FBXW7: variants seen among roughly 807,000 people sequenced by gnomAD.
FBXW7 encodes F-box/WD repeat-containing protein 7.
In FBXW7, 11 loss-of-function variants were observed where a neutral mutation model predicts 86.3. The ratio of observed to expected loss-of-function variants is 0.13; its 90% CI spans 0.08 to 0.21. The LOEUF (loss-of-function observed/expected upper bound fraction) is 0.21, where lower values mean the gene tolerates loss of function less well. Among genes scored for constraint, FBXW7 ranks in the 10% least tolerant of loss-of-function variants. FBXW7 has a pLI of 1.00. For synonymous variants in FBXW7, 313 were observed against 297.9 expected (o/e 1.05, Z -0.52); for missense variants, 488 against 847.4 (o/e 0.58, Z 5.27).
chr4:152,354,807 T>C (rs1457422900), intron 4 of FBXW7, among the ~76,000 whole-genome samples: 5 of 152,164 alleles, frequency 3.3e-5, no homozygotes, highest in Non-Finnish European at 5.9e-5. Flanking sequence ...CCATGTTTTA[T>C]TACCAGGTTT....
chr4:152,437,061 T>C (rs1740447268), intron 2 of FBXW7, among the ~76,000 whole-genome samples: 1 of 152,198 alleles, frequency 6.6e-6, no homozygotes, highest in Non-Finnish European at 1.5e-5. Context: ...CTGTTTTATA[T>C]ATATACATAG....
At chr4:152,378,890 C>T (rs1317125506) in intron 4 of FBXW7, among the ~76,000 whole-genome samples, 1 of 152,080 alleles carries the variant, frequency 6.6e-6, no homozygotes, top group Non-Finnish European at 1.5e-5. Flanking sequence ...CCTGTAGTCC[C>T]AGCTACTTGG....
At chr4:152,533,521 A>G (rs867594274) in intron 2 of FBXW7, among the ~76,000 whole-genome samples, 2 of 152,258 alleles carry the variant, frequency 1.3e-5, no homozygotes, top group African/African-American at 2.4e-5. Context: ...CAAGGCAACT[A>G]AAGAAAAACA....
chr4:152,324,028 GACTAGTTCTGTAAGTCA>G, intron 13 of FBXW7, 139 bp downstream of exon 13: 1 of 611,212 alleles, frequency 1.6e-6, no homozygotes, highest in South Asian at 2.0e-5. Context: ...CTCAAGAGTA[GACTAGTTCTGTAAGTCA>G]GGGTGAAAAT....
intron 6 of FBXW7, among the ~76,000 whole-genome samples, chr4:152,338,851 T>G (rs1730425707): frequency 6.6e-6 from 1 of 152,152 alleles, no homozygotes; most frequent in African/African-American, 2.4e-5. Context: ...TAAGTACCAT[T>G]TTAAGAATTA....
At chr4:152,469,500 T>C (rs1012938991) in intron 2 of FBXW7, among the ~76,000 whole-genome samples, 20 of 152,112 alleles carry the variant, frequency 1.3e-4, no homozygotes, top group South Asian at 2.1e-4. Flanking sequence ...AGGAAATGCA[T>C]AGACCCTGAC....
chr4:152,452,364 G>T (rs1326587036), intron 2 of FBXW7, among the ~76,000 whole-genome samples: 1 of 152,140 alleles, frequency 6.6e-6, no homozygotes, highest in Non-Finnish European at 1.5e-5. Context: ...TTAAAATACA[G>T]CGTTGGTCAT....
chr4:152,444,858 G>T (rs750452060), intron 2 of FBXW7, among the ~76,000 whole-genome samples: 35 of 152,086 alleles, frequency 2.3e-4, no homozygotes, highest in Non-Finnish European at 3.5e-4. Flanking sequence ...TTGAGACAGG[G>T]TCTCACTCTG....
intron 4 of FBXW7, among the ~76,000 whole-genome samples, chr4:152,391,454 CAAAG>C (rs771795230): frequency 1.8e-4 from 27 of 151,902 alleles, no homozygotes; most frequent in Non-Finnish European, 2.4e-4. Context: ...AAATTAGAAA[CAAAG>C]AAATAAAATT....
chr4:152,326,338 T>A, intron 11 of FBXW7, 107 bp from the exon 12 acceptor site: 3 of 648,192 alleles, frequency 4.6e-6, no homozygotes, highest in Non-Finnish European at 4.8e-6. Context: ...TTTTAGCTTT[T>A]TTTTTTTTTT....
At chr4:152,487,086 C>T (rs1416467579) in intron 2 of FBXW7, among the ~76,000 whole-genome samples, 3 of 152,040 alleles carry the variant, frequency 2.0e-5, no homozygotes, top group African/African-American at 7.2e-5. Context: ...ACAGAAACTC[C>T]TTTACAGAAA....
chr4:152,464,241 G>A (rs898457046), intron 2 of FBXW7, among the ~76,000 whole-genome samples: 10 of 152,176 alleles, frequency 6.6e-5, no homozygotes, highest in Non-Finnish European at 1.3e-4. Flanking sequence ...AACAACCTTG[G>A]AGATAATGGG....
rs1444726018 is a variant in FBXW7 at position 152,535,675 on chromosome 4, C to T, written c.-761G>A. ...GCTGCGGCTGGGACCCCCCTCCCTACACCTTGGGGGTCTCGCCCCACGCCC... is the reference window on the plus strand; with the variant it reads ...GCTGCGGCTGGGACCCCCCTCCCTATACCTTGGGGGTCTCGCCCCACGCCC... On this transcript the variant is annotated 5_prime_UTR_variant, in exon 1 of 14. Coordinates refer to ENST00000281708, the MANE Select transcript of FBXW7 (RefSeq NM_001349798.2). 2 of 396,280 alleles carry T rather than the reference C, an allele frequency of 5.0e-6. No homozygotes were observed. Among genetic ancestry groups the T allele is most frequent in the Admixed American group, 8.8e-5 (2 of 22,618 alleles). 24.5% of individuals were successfully genotyped at this position (396,280 alleles called of 1,614,324 possible).
chr4:152,363,052 A>G (rs536413589), intron 4 of FBXW7, among the ~76,000 whole-genome samples: 120 of 152,232 alleles, frequency 7.9e-4, no homozygotes, highest in African/African-American at 2.8e-3. Flanking sequence ...TTTATTTCAA[A>G]GACTTTAACT....
At chr4:152,515,130 A>G (rs1748356918) in intron 2 of FBXW7, among the ~76,000 whole-genome samples, 1 of 152,226 alleles carries the variant, frequency 6.6e-6, no homozygotes, top group Admixed American at 6.5e-5. Context: ...TTCAAGAAGA[A>G]TCACTTTACC....
At chr4:152,433,255 G>A (rs998694205) in intron 2 of FBXW7, among the ~76,000 whole-genome samples, 1 of 152,098 alleles carries the variant, frequency 6.6e-6, no homozygotes, top group Non-Finnish European at 1.5e-5. Flanking sequence ...TTGCTCATAG[G>A]GTGAGTGTTT....
rs545995384 is a variant in FBXW7 at position 152,444,028 on chromosome 4, C to T, written c.-119-31499G>A. ...CAGCTCCTTCTCTACAAAGCGTTCT[C>T]TACAAACATGTGCTTCTCTACAAAC... On this transcript the variant is annotated intron_variant, in intron 2 of 13. Transcript: ENST00000281708. 5.6e-4 allele frequency among the ~76,000 whole-genome samples: 80 copies of T among 142,806 alleles called. 2 individuals are homozygous for T. Among genetic ancestry groups the T allele is most frequent in the Admixed American group, 5.5e-3 (73 of 13,176 alleles). The allele number at this position is 142,806 out of a possible 152,430, so 93.7% of individuals were successfully genotyped here.
At chr4:152,390,268 A>G (rs979202480) in intron 4 of FBXW7, among the ~76,000 whole-genome samples, 5 of 151,978 alleles carry the variant, frequency 3.3e-5, no homozygotes, top group Non-Finnish European at 5.9e-5. Flanking sequence ...TCCTTTCATT[A>G]AGCATTTTAA....
intron 9 of FBXW7, among the ~76,000 whole-genome samples, chr4:152,330,409 T>C (rs1210859972): frequency 6.6e-6 from 1 of 151,652 alleles, no homozygotes; most frequent in East Asian, 1.9e-4. Context: ...ATGTTTGGAG[T>C]ATGTGATCAG....
Sources: allele counts gnomAD v4.1 joint callset (sites outside exome capture counted in the v4.1 genomes callset), GRCh38; gene constraint gnomAD v4.1.1; transcripts MANE v1.5; gene names NCBI Gene and HGNC (gene_info 2026-07-23, HGNC 2026-07-21).